BTBD7: variants seen among roughly 807,000 people sequenced by gnomAD.
BTBD7 encodes the protein BTB domain containing 7.
BTBD7 carries 38 observed loss-of-function variants against 99.9 expected under a neutral mutation model. That is an observed-to-expected ratio of 0.38 (90% CI 0.29 to 0.50). The LOEUF (loss-of-function observed/expected upper bound fraction) is 0.50. Among genes scored for constraint, BTBD7 ranks in the 20% least tolerant of loss-of-function variants. The pLI, the probability that BTBD7 is intolerant of heterozygous loss-of-function variation, is 0.93. For missense variants in BTBD7, 1,170 were observed against 1,394.6 expected, an observed-to-expected ratio of 0.84 and a Z score of 2.57; for synonymous variants, 520 against 511.4, an observed-to-expected ratio of 1.02 and a Z score of -0.23.
intron 3 of BTBD7, among the ~76,000 whole-genome samples, chr14:93,284,871 G>T (rs1474696303): frequency 6.6e-6 from 1 of 151,936 alleles, no homozygotes; most frequent in Non-Finnish European, 1.5e-5. Flanking sequence ...AGAGCAGAGG[G>T]TCAGAGGTGA....
intron 1 of BTBD7, among the ~76,000 whole-genome samples, chr14:93,300,695 C>T (rs904315722): frequency 5.9e-5 from 8 of 135,926 alleles, no homozygotes; most frequent in Non-Finnish European, 1.1e-4. Flanking sequence ...GCCATCATGC[C>T]CAGCTAATTT....
rs1320013745 is a variant in BTBD7 at position 93,258,412 on chromosome 14, C to G, written c.1448-1057G>C. Among the ~76,000 whole-genome samples, 4 of 152,040 alleles carry G rather than the reference C, an allele frequency of 2.6e-5. No homozygotes were observed. In the East Asian group the frequency reaches 5.8e-4, roughly 22 times the overall value. On this transcript the variant is annotated intron_variant, in intron 5 of 10. Transcript: ENST00000334746. ...TTTTTTTTCTTAAAGTAGTGACATC[C>G]TGTTTTCATATAAAATCTTACATGA...
rs2052301514 is a variant in BTBD7, at chr14:93,245,984, A to G, written c.2424T>C (p.Pro808=). ...NHSLFHSRTA[P]KAGPPPVYLP... The stretch of plus-strand genomic sequence containing the variant: ...AGTAGACTGGGGGAGGGCCAGCTTT[A>G]GGAGCTGTTCTGGAGTGGAACAGCG... The change falls in exon 10 of 11, where the codon CCT becomes CCC. Residue 808 remains proline (P), a synonymous_variant. Coordinates refer to ENST00000334746, the MANE Select transcript of BTBD7 (RefSeq NM_001002860.4). The G allele has an allele frequency of 6.2e-7, 1 of 1,614,154 alleles. No individual in the cohort carries two copies. Among genetic ancestry groups the G allele is most frequent in the East Asian group, 2.2e-5 (1 of 44,872 alleles).
rs150557788 is a variant in BTBD7 at position 93,245,235 on chromosome 14, C to T, written c.2583+590G>A. Among the ~76,000 whole-genome samples the T allele has an allele frequency of 2.1e-3, 318 of 152,136 alleles. 7 individuals are homozygous for T. In the Middle Eastern group the frequency reaches 0.034, roughly 16 times the overall value. ...ACAGTGCAAAATCAAGCAAAGAATC[C>T]TCTATCAATTTACTACCTACTAGCC... On this transcript the variant is annotated intron_variant, in intron 10 of 10. Coordinates refer to ENST00000334746, the MANE Select transcript of BTBD7 (RefSeq NM_001002860.4).
intron 1 of BTBD7, among the ~76,000 whole-genome samples, chr14:93,297,885 C>T (rs2052948226): frequency 1.3e-5 from 2 of 151,950 alleles, no homozygotes; most frequent in Non-Finnish European, 2.9e-5. Context: ...AAATAAAAAG[C>T]CTTTACCAAA....
intron 1 of BTBD7, among the ~76,000 whole-genome samples, chr14:93,301,647 C>A (rs1281851447): frequency 6.6e-6 from 1 of 152,054 alleles, no homozygotes; most frequent in Non-Finnish European, 1.5e-5. Flanking sequence ...TATGATCACA[C>A]CACTGCCCTC....
At chr14:93,315,660 T>C (rs2053193314) in intron 1 of BTBD7, among the ~76,000 whole-genome samples, 1 of 152,264 alleles carries the variant, frequency 6.6e-6, no homozygotes, top group Non-Finnish European at 1.5e-5. Context: ...TATAATAATG[T>C]GGGCTTTTGT....
At chr14:93,263,323 C>T (rs1304047628) in intron 4 of BTBD7, among the ~76,000 whole-genome samples, 3 of 152,176 alleles carry the variant, frequency 2.0e-5, no homozygotes, top group East Asian at 1.9e-4. Flanking sequence ...AAAACATTAC[C>T]GTACTTTGGA....
At chr14:93,305,683 G>A (rs1424978852) in intron 1 of BTBD7, among the ~76,000 whole-genome samples, 3 of 152,204 alleles carry the variant, frequency 2.0e-5, no homozygotes, top group Non-Finnish European at 4.4e-5. Flanking sequence ...ATGAAAGTCT[G>A]CATCTTAAAA....
intron 3 of BTBD7, among the ~76,000 whole-genome samples, chr14:93,284,597 C>T (rs1054282889): frequency 1.3e-5 from 2 of 152,004 alleles, no homozygotes; most frequent in African/African-American, 4.8e-5. Flanking sequence ...GATTTTGATA[C>T]ACAACTTTGG....
chr14:93,302,750 C>T (rs917423567), intron 1 of BTBD7, among the ~76,000 whole-genome samples: 10 of 152,140 alleles, frequency 6.6e-5, no homozygotes, highest in African/African-American at 2.4e-4. Context: ...GAGGCTGAGA[C>T]AGAAGAATCG....
rs148900396 is a variant in BTBD7, at chr14:93,294,151, T to C, written c.869A>G (p.Asn290Ser). The C allele has an allele frequency of 7.9e-5, 127 of 1,613,898 alleles. No individual in the cohort carries two copies. Among genetic ancestry groups the C allele is most frequent in the Non-Finnish European group, 1.1e-4 (126 of 1,179,998 alleles). ...VISARSPFFR[N>S]LLQRRIRTGE... Reference sequence around the variant, plus strand: ...AGTTCGTATCCTCCTTTGTAATAAATTTCGAAAAAATGGGGACCGTGCAGA... The same window carrying C: ...AGTTCGTATCCTCCTTTGTAATAAACTTCGAAAAAATGGGGACCGTGCAGA... Residue 290 changes from asparagine to serine, a missense_variant, in exon 3 of 11, where the codon AAT (asparagine) becomes AGT (serine). Physicochemically the swap from Asn to Ser is conservative, Grantham distance 46. This residue lies in a region of BTBD7 where 359 missense variants were observed against 497.9 expected (regional missense o/e 0.72). Transcript: ENST00000334746.
rs550497460 is a variant in BTBD7 at position 93,321,503 on chromosome 14, G to C, written c.-107+11317C>G. On this transcript the variant is annotated intron_variant, in intron 1 of 10. Coordinates refer to ENST00000334746, the MANE Select transcript of BTBD7 (RefSeq NM_001002860.4). ...AGCTGCTCGGGAGGCTGAGGCAGGAGAATCGCTTGAACCCGGGAGGTGGAG... is the reference window on the plus strand; with the variant it reads ...AGCTGCTCGGGAGGCTGAGGCAGGACAATCGCTTGAACCCGGGAGGTGGAG... 2.2e-3 allele frequency among the ~76,000 whole-genome samples: 335 copies of C among 152,326 alleles called. 3 individuals carry two copies. Among genetic ancestry groups the C allele is most frequent in the African/African-American group, 7.6e-3 (315 of 41,576 alleles).
chr14:93,327,535 C>T (rs1458961121), intron 1 of BTBD7, among the ~76,000 whole-genome samples: 1 of 152,146 alleles, frequency 6.6e-6, no homozygotes, highest in Non-Finnish European at 1.5e-5. Context: ...ACTCACCAGG[C>T]TAGAAATTCT....
chr14:93,244,108 T>C lies in BTBD7; in HGVS notation c.2584-1020A>G, dbSNP rs138147557. 332 of 486,702 alleles carry C rather than the reference T, an allele frequency of 6.8e-4. 1 individual carries two copies. The highest frequency in any genetic ancestry group is 4.4e-4 in the Non-Finnish European group (108 of 244,694). 30.1% of individuals were successfully genotyped at this position (486,702 alleles called of 1,614,324 possible). ...GTAGAGGAAGGGCAAGGATTCTCTG[T>C]ATGCCCAGGGAAAGCAGCATGACAG... On this transcript the variant is annotated intron_variant, in intron 10 of 10. Transcript: ENST00000334746.
At chr14:93,279,321 T>C (rs2052691476) in intron 3 of BTBD7, among the ~76,000 whole-genome samples, 1 of 152,212 alleles carries the variant, frequency 6.6e-6, no homozygotes, top group Non-Finnish European at 1.5e-5. Context: ...GTCATTTATC[T>C]CTAGGCCAGT....
At chr14:93,275,507 C>T (rs1207759074) in intron 3 of BTBD7, among the ~76,000 whole-genome samples, 1 of 152,156 alleles carries the variant, frequency 6.6e-6, no homozygotes, top group East Asian at 1.9e-4. Context: ...AGAGGCATAA[C>T]AGAGTGTAGT....
At chr14:93,329,820 T>C (rs987937350) in intron 1 of BTBD7, among the ~76,000 whole-genome samples, 8 of 152,146 alleles carry the variant, frequency 5.3e-5, no homozygotes, top group Non-Finnish European at 7.3e-5. Flanking sequence ...GGTTTAGAAA[T>C]ATGTAGTCAT....
chr14:93,253,712 G>A lies in BTBD7; in HGVS notation c.1687C>T (p.Arg563Trp), dbSNP rs762370810. The A allele has an allele frequency of 1.2e-5, 20 of 1,613,056 alleles. No homozygotes were observed. Among genetic ancestry groups the A allele is most frequent in the East Asian group, 2.2e-5 (1 of 44,866 alleles). ...TEGGKSNAWL[R>W]QKNAGIYVRP... Reference sequence around the variant, plus strand: ...ACATAGATGCCAGCATTTTTTTGCCGTAACCAGGCATTTGACTTCCCACCT... The same window carrying A: ...ACATAGATGCCAGCATTTTTTTGCCATAACCAGGCATTTGACTTCCCACCT... The change falls in exon 7 of 11, where the codon CGG (arginine) becomes TGG (tryptophan). Residue 563 changes from arginine to tryptophan, a missense_variant. Physicochemically the swap from Arg to Trp is moderately radical, Grantham distance 101. Around this residue, in one of 4 missense-constraint regions of BTBD7, gnomAD observed 309 missense variants for 342.0 expected, o/e 0.90. Coordinates refer to ENST00000334746, the MANE Select transcript of BTBD7 (RefSeq NM_001002860.4).
Sources: allele counts gnomAD v4.1 joint callset (sites outside exome capture counted in the v4.1 genomes callset), GRCh38; gene constraint gnomAD v4.1.1; regional missense constraint gnomAD v4.1.1; transcripts MANE v1.5; gene names NCBI Gene and HGNC (gene_info 2026-07-23, HGNC 2026-07-21).